Variants in DOCK9 observed in about 807,000 individuals in gnomAD.
DOCK9 encodes dedicator of cytokinesis protein 9.
DOCK9 carries 89 observed loss-of-function variants against 263.3 expected under a neutral mutation model. The observed-to-expected ratio is 0.34, with a 90% CI of 0.28 to 0.40. The LOEUF is 0.40. Among genes scored for constraint, DOCK9 ranks in the 10% least tolerant of loss-of-function variants. The pLI is 1.00. For synonymous variants in DOCK9, 976 were observed against 973.1 expected, an observed-to-expected ratio of 1.00 and a Z score of -0.06; for missense variants, 2,140 against 2,603.4, an observed-to-expected ratio of 0.82 and a Z score of 3.87.
chr13:98,988,686 A>T (rs949626327), intron 1 of DOCK9, among the ~76,000 whole-genome samples: 5 of 152,344 alleles, frequency 3.3e-5, no homozygotes, highest in African/African-American at 1.2e-4. Context: ...TCTTCTTTAG[A>T]AGATAAGTAA....
At chr13:98,907,602 G>A (rs1339701023) in intron 9 of DOCK9, among the ~76,000 whole-genome samples, 2 of 152,122 alleles carry the variant, frequency 1.3e-5, no homozygotes, top group Non-Finnish European at 2.9e-5. Flanking sequence ...GGAAAAGAAG[G>A]GACAGCTTTA....
intron 9 of DOCK9, among the ~76,000 whole-genome samples, chr13:98,912,812 CAGA>C (rs1205214060): frequency 2.0e-5 from 3 of 152,112 alleles, no homozygotes; most frequent in Non-Finnish European, 2.9e-5. Flanking sequence ...CCAGTAAGTG[CAGA>C]AGGTTACTTT....
intron 27 of DOCK9, among the ~76,000 whole-genome samples, chr13:98,870,433 C>T (rs1486461125): frequency 6.6e-6 from 1 of 152,092 alleles, no homozygotes; most frequent in Admixed American, 6.6e-5. Context: ...AATAGATGAC[C>T]AATTTCCAAG....
At chr13:99,027,466 G>A (rs551862746) in intron 1 of DOCK9, among the ~76,000 whole-genome samples, 13 of 152,172 alleles carry the variant, frequency 8.5e-5, no homozygotes, top group South Asian at 2.1e-4. Flanking sequence ...CAGCCAATGC[G>A]AACACCACGT....
At chr13:98,815,795 T>G (rs913628116) in intron 45 of DOCK9, among the ~76,000 whole-genome samples, 1 of 152,108 alleles carries the variant, frequency 6.6e-6, no homozygotes, top group African/African-American at 2.4e-5. Context: ...AATGTAAAGT[T>G]TTTGTGGAAA....
chr13:99,051,601 C>T (rs565376206), intron 1 of DOCK9, among the ~76,000 whole-genome samples: 1 of 152,174 alleles, frequency 6.6e-6, no homozygotes, highest in African/African-American at 2.4e-5. Context: ...GATAGTGATA[C>T]AAACATCCCA....
chr13:98,794,863 G>A (rs1039053158), intron 52 of DOCK9, 115 bp from the exon 53 acceptor site: 1 of 1,194,386 alleles, frequency 8.4e-7, no homozygotes, highest in Non-Finnish European at 1.2e-6. Context: ...CAGAGTTTAA[G>A]GCAATGTTGC....
At chr13:98,884,176 C>A (rs894614234) in intron 21 of DOCK9, among the ~76,000 whole-genome samples, 1 of 152,214 alleles carries the variant, frequency 6.6e-6, no homozygotes, top group African/African-American at 2.4e-5. Context: ...GGGAAAGAAT[C>A]CTATTACACC....
intron 1 of DOCK9, among the ~76,000 whole-genome samples, chr13:99,073,791 G>A (rs572991063): frequency 9.9e-5 from 15 of 152,218 alleles, no homozygotes; most frequent in Admixed American, 2.0e-4. Context: ...AACCCTGTTC[G>A]GGCAGATATC....
At chr13:98,982,298 T>A (rs1355530858), upstream of DOCK9, among the ~76,000 whole-genome samples, 1 of 152,184 alleles carries the variant, frequency 6.6e-6, no homozygotes. Flanking sequence ...CATCTTCCTC[T>A]TCCACCCATA....
chr13:98,854,561 T>G (rs1275581907), intron 34 of DOCK9: 1 of 152,040 alleles, frequency 6.6e-6, no homozygotes, highest in African/African-American at 2.4e-5. Context: ...CTGGAGAACT[T>G]AGTACTTCCG....
chr13:99,074,007 T>G (rs1304220266), intron 1 of DOCK9, among the ~76,000 whole-genome samples: 1 of 152,266 alleles, frequency 6.6e-6, no homozygotes, highest in East Asian at 1.9e-4. Context: ...TGACTTCACC[T>G]TTTCTCAACT....
chr13:99,063,183 C>T (rs2041268996), intron 1 of DOCK9, among the ~76,000 whole-genome samples: 1 of 152,188 alleles, frequency 6.6e-6, no homozygotes, highest in Admixed American at 6.5e-5. Context: ...TAAGTCTAGA[C>T]AGAGGCAAGG....
At chr13:98,944,415 G>T (rs1467562431) in intron 2 of DOCK9, among the ~76,000 whole-genome samples, 31 of 137,232 alleles carry the variant, frequency 2.3e-4, no homozygotes, top group African/African-American at 8.0e-4. Context: ...ACTACCCTCA[G>T]CAGGCTGAGG....
chr13:98,955,999 G>A (rs1463414093), intron 1 of DOCK9, among the ~76,000 whole-genome samples: 1 of 152,180 alleles, frequency 6.6e-6, no homozygotes, highest in Non-Finnish European at 1.5e-5. Context: ...CAGACAAGGG[G>A]CTCCAAGACG....
chr13:98,963,107 C>G (rs2058833660), intron 1 of DOCK9, among the ~76,000 whole-genome samples: 1 of 152,134 alleles, frequency 6.6e-6, no homozygotes, highest in Admixed American at 6.5e-5. Flanking sequence ...CCCCGCCAGT[C>G]CCCATCTACT....
chr13:98,805,889 T>G (rs1331264686), intron 48 of DOCK9, among the ~76,000 whole-genome samples: 1 of 152,170 alleles, frequency 6.6e-6, no homozygotes, highest in Non-Finnish European at 1.5e-5. Context: ...GCCTCCCAAG[T>G]AGCTGTGACT....
intron 1 of DOCK9, among the ~76,000 whole-genome samples, chr13:98,987,940 TA>T (rs1465861345): frequency 5.5e-5 from 8 of 145,194 alleles, no homozygotes; most frequent in South Asian, 2.3e-4. Flanking sequence ...TAACAGCATA[TA>T]AAATTTTTTT....
intron 48 of DOCK9, among the ~76,000 whole-genome samples, chr13:98,806,746 C>G (rs1295653271): frequency 6.6e-6 from 1 of 151,614 alleles, no homozygotes; most frequent in African/African-American, 2.4e-5. Flanking sequence ...CTGTCTCTAC[C>G]AAAAATACAA....
Sources: gnomAD v4.1 joint callset for allele counts (sites outside exome capture counted in the v4.1 genomes callset) on GRCh38, gnomAD v4.1.1 for gene constraint, MANE v1.5 for transcripts, NCBI Gene and HGNC (gene_info 2026-07-23, HGNC 2026-07-21) for gene names.